The following ALDH6A1 variants were observed in gnomAD, a reference collection of about 807,000 sequenced individuals.
The protein encoded by ALDH6A1 is aldehyde dehydrogenase 6 family member A1.
Under a neutral mutation model 62.6 loss-of-function variants are expected in ALDH6A1, and 43 were observed. The ratio of observed to expected loss-of-function variants is 0.69; its 90% confidence interval spans 0.54 to 0.89. The LOEUF is 0.89. ALDH6A1 is among the 40% of genes least tolerant of loss of function. The probability of loss-of-function intolerance (pLI) is 0.00; values close to 1 mark genes in which losing one functional copy is unlikely to be tolerated. For synonymous variants in ALDH6A1, 194 were observed against 234.2 expected (o/e 0.83, Z 1.57); for missense variants, 551 against 661.3 (o/e 0.83, Z 1.83).
At position 74,084,411 on chromosome 14, in the gene ALDH6A1, A is replaced by T; in HGVS notation, c.-17T>A. On this transcript the variant is annotated 5_prime_UTR_variant, in exon 1 of 12. Transcript: ENST00000553458. ...CGCCGCCATGGCTCTCGGCCGCCCT[A>T]GCTCCGCACCCCGCGCCTCTACTGC... 6.2e-7 allele frequency: 1 copy of T among 1,612,490 alleles called. No individual in the cohort carries two copies. Among genetic ancestry groups the T allele is most frequent in the Non-Finnish European group, 8.5e-7 (1 of 1,179,738 alleles).
chr14:74,059,450 CT>C lies in ALDH6A1; in HGVS notation c.*1191del, dbSNP rs2060290477. ...GTGGCTCATGCCTGTAATCCCAGCA[CT>C]TTGGGAGGCCGAGGCAGGCGGATCA... On this transcript the variant is annotated 3_prime_UTR_variant, in exon 12 of 12. Coordinates refer to ENST00000553458, the MANE Select transcript of ALDH6A1 (RefSeq NM_005589.4). 1 of 449,998 alleles carries C rather than the reference CT, an allele frequency of 2.2e-6. No homozygotes were observed. The highest frequency in any genetic ancestry group is 4.5e-6 in the Non-Finnish European group (1 of 224,550). The allele number at this position is 449,998 out of a possible 1,614,324, so 27.9% of individuals were successfully genotyped here. A position where few individuals can be genotyped will look rare whatever the true frequency, so the allele number is the denominator to read the frequency against.
Position 74,060,280 on chromosome 14 carries a change from G to C in ALDH6A1, c.*362C>G, listed in dbSNP as rs2060311329. 1 of 246,026 alleles carries C rather than the reference G, an allele frequency of 4.1e-6. No individual in the cohort carries two copies. The highest frequency in any genetic ancestry group is 8.1e-6 in the Non-Finnish European group (1 of 123,416). The allele number at this position is 246,026 out of a possible 1,614,324, so 15.2% of individuals were successfully genotyped here. On this transcript the variant is annotated 3_prime_UTR_variant, in exon 12 of 12. Coordinates refer to ENST00000553458, the MANE Select transcript of ALDH6A1 (RefSeq NM_005589.4). The stretch of plus-strand genomic sequence containing the variant: ...CTCCCAAAATGATGGAATTACAGGC[G>C]TGAGCCACCGCGCCTGGCTGGAACA...
In ALDH6A1 at chr14:74,072,353, C is replaced by T. The variant is rs1400729598; in HGVS notation, c.198G>A (p.Glu66=). ...TGGCCTGAGGGACCCGACCAATGAC[C>T]TCATTGGTGGCCTGATGAGAAAAAT... is the stretch of plus-strand genomic sequence containing the variant. ...WIDIHNPATN[E]VIGRVPQATK... Residue 66 remains glutamate, a synonymous_variant, in exon 4 of 12, where the codon GAG becomes GAA. Coordinates refer to ENST00000553458, the MANE Select transcript of ALDH6A1 (RefSeq NM_005589.4). 2 of 1,614,162 alleles carry T rather than the reference C, an allele frequency of 1.2e-6. No individual in the cohort carries two copies. Among genetic ancestry groups the T allele is most frequent in the Non-Finnish European group, 1.7e-6 (2 of 1,180,028 alleles).
intron 2 of ALDH6A1, among the ~76,000 whole-genome samples, chr14:74,073,567 T>G (rs1002419864): frequency 6.6e-6 from 1 of 152,222 alleles, no homozygotes. Context: ...TTAGCTATTA[T>G]GACTTTTTGG....
At chr14:74,064,618 T>C in intron 11 of ALDH6A1, 1 of 1,485,006 alleles carries the variant, frequency 6.7e-7, no homozygotes, top group Non-Finnish European at 9.4e-7. Context: ...TCCTCAAAAC[T>C]TTGTTGCTTT....
rs905353010 is a variant in ALDH6A1, at chr14:74,057,539, C to T, written c.*3103G>A. 2.5e-5 allele frequency: 33 copies of T among 1,338,810 alleles called. No homozygotes were observed. The highest frequency in any genetic ancestry group is 2.2e-4 in the South Asian group (15 of 68,864). The allele number at this position is 1,338,810 out of a possible 1,614,324, so 82.9% of individuals were successfully genotyped here. Reference sequence around the variant, plus strand: ...TAGCCAAAATGTGTACTATCTTTTACGTAAGAGTAAACATAGTGACCTTGT... The same window carrying T: ...TAGCCAAAATGTGTACTATCTTTTATGTAAGAGTAAACATAGTGACCTTGT... On this transcript the variant is annotated 3_prime_UTR_variant, in exon 12 of 12. Transcript: ENST00000553458.
In ALDH6A1 at chr14:74,060,771, G is replaced by T. The variant is rs1474692155; in HGVS notation, c.1504-25C>A. ...CCTAAGGAAAACAGAAAAAAAGTTA[G>T]CATATATTTCTGGGGTTTCATGATT... On this transcript the variant is annotated intron_variant, in intron 11 of 11. Transcript: ENST00000553458. The T allele has an allele frequency of 2.0e-6, 3 of 1,514,762 alleles. No homozygotes were observed. The Admixed American group carries it at 5.0e-5, about 25-fold the overall frequency. The allele number at this position is 1,514,762 out of a possible 1,614,324, so 93.8% of individuals were successfully genotyped here. A position where few individuals can be genotyped will look rare whatever the true frequency, so the allele number is the denominator to read the frequency against.
Position 74,057,440 on chromosome 14 carries a change from TATACTA to T in ALDH6A1, c.*3196_*3201del, listed in dbSNP as rs1194531702. 22 of 1,486,864 alleles carry T rather than the reference TATACTA, an allele frequency of 1.5e-5. No individual in the cohort carries two copies. The highest frequency in any genetic ancestry group is 1.7e-5 in the Non-Finnish European group (19 of 1,122,246). The allele number at this position is 1,486,864 out of a possible 1,614,324, so 92.1% of individuals were successfully genotyped here. A position where few individuals can be genotyped will look rare whatever the true frequency, so the allele number is the denominator to read the frequency against. ...AAGCAATATCCGTACAAATGCATAT[TATACTA>T]ATGCAAATGCAAATGTGTGCCTCTT... On this transcript the variant is annotated 3_prime_UTR_variant, in exon 12 of 12. Coordinates refer to ENST00000553458, the MANE Select transcript of ALDH6A1 (RefSeq NM_005589.4).
rs373184856 is a variant in ALDH6A1, at chr14:74,067,557, G to A, written c.865C>T (p.His289Tyr). ...TTGGCATCTGGCATGACTACCCCAT[G>A]GTTCTTGGCTCCCTAAAAAAAAATG... ...RVQANMGAKN[H>Y]GVVMPDANKE... The change falls in exon 8 of 12, where the codon CAT (histidine) becomes TAT (tyrosine). Residue 289 changes from histidine (H) to tyrosine (Y), a missense_variant. By Grantham distance (83) the His-to-Tyr change is moderately conservative (BLOSUM62 2). Coordinates refer to ENST00000553458, the MANE Select transcript of ALDH6A1 (RefSeq NM_005589.4). The A allele has an allele frequency of 1.2e-6, 2 of 1,613,974 alleles. No homozygotes were observed. Among genetic ancestry groups the A allele is most frequent in the Non-Finnish European group, 1.7e-6 (2 of 1,180,022 alleles).
chr14:74,078,169 G>A (rs769458440), intron 1 of ALDH6A1: 4 of 454,926 alleles, frequency 8.8e-6, no homozygotes, highest in Non-Finnish European at 1.8e-5. Flanking sequence ...GTACTTTCAG[G>A]AGCTGACTTT....
intron 1 of ALDH6A1, chr14:74,078,170 A>C (rs78559242): frequency 2.2e-6 from 1 of 455,260 alleles, no homozygotes; most frequent in African/African-American, 2.0e-5. Context: ...TACTTTCAGG[A>C]GCTGACTTTG....
At chr14:74,069,061 T>C (rs577891702) in intron 6 of ALDH6A1, 80 bp from the exon 7 acceptor site, 4 of 1,378,306 alleles carry the variant, frequency 2.9e-6, no homozygotes, top group African/African-American at 1.4e-5. Flanking sequence ...TCCCCACTGC[T>C]ATGGATTTGA....
intron 11 of ALDH6A1, among the ~76,000 whole-genome samples, chr14:74,063,396 A>C (rs2060390487): frequency 6.6e-6 from 1 of 151,346 alleles, no homozygotes; most frequent in Non-Finnish European, 1.5e-5. Context: ...TGTTGGCCAG[A>C]TTGGTCTCAA....
intron 7 of ALDH6A1, 62 bp from the exon 8 acceptor site, chr14:74,067,631 T>G (rs753837621): frequency 1.3e-5 from 20 of 1,564,404 alleles, no homozygotes; most frequent in Non-Finnish European, 1.8e-5. Flanking sequence ...AGCTAAGAAA[T>G]TAAGCAGTGG....
Position 74,084,328 on chromosome 14 carries a change from T to C in ALDH6A1, c.48+19A>G. The C allele has an allele frequency of 6.2e-7, 1 of 1,613,726 alleles. No individual in the cohort carries two copies. Among genetic ancestry groups the C allele is most frequent in the Non-Finnish European group, 8.5e-7 (1 of 1,179,896 alleles). ...TCCAATTCCTAGCTTCATGGTGCCT[T>C]GGCACCACCCTCACTCGCCTGCAGG... is the stretch of plus-strand genomic sequence containing the variant. On this transcript the variant is annotated intron_variant, in intron 1 of 11. Coordinates refer to ENST00000553458, the MANE Select transcript of ALDH6A1 (RefSeq NM_005589.4).
rs559782681 is a variant in ALDH6A1, at chr14:74,074,131, C to T, written c.111+824G>A. ...TCCCAGGCAGCTGGGACCATAGGTA[C>T]GCACCACCACGCCTGGCTAATTTTT... is the stretch of plus-strand genomic sequence containing the variant. On this transcript the variant is annotated intron_variant, in intron 2 of 11. Coordinates refer to ENST00000553458, the MANE Select transcript of ALDH6A1 (RefSeq NM_005589.4). Among the ~76,000 whole-genome samples the T allele has an allele frequency of 1.3e-3, 202 of 151,424 alleles. 1 individual carries two copies. The highest frequency in any genetic ancestry group is 4.7e-3 in the African/African-American group (193 of 41,298).
intron 11 of ALDH6A1, 51 bp downstream of exon 11, chr14:74,064,771 T>G (rs2060431599): frequency 1.2e-6 from 2 of 1,611,810 alleles, no homozygotes; most frequent in African/African-American, 2.7e-5. Context: ...CCTGAATATC[T>G]TTAAGAAAAT....
In ALDH6A1 at chr14:74,057,285, ATGTATATTGT is replaced by A; in HGVS notation, c.*3347_*3356del. The stretch of plus-strand genomic sequence containing the variant: ...TAAGGAGTCTGTATCTAATCAAACA[ATGTATATTGT>A]TGTCACCCTTCCCCATGTCGCTTCT... On this transcript the variant is annotated 3_prime_UTR_variant, in exon 12 of 12. Transcript: ENST00000553458. 6.2e-7 allele frequency: 1 copy of A among 1,614,016 alleles called. No homozygotes were observed. Among genetic ancestry groups the A allele is most frequent in the Admixed American group, 1.7e-5 (1 of 59,986 alleles).
intron 1 of ALDH6A1, among the ~76,000 whole-genome samples, chr14:74,077,544 C>T (rs983258643): frequency 6.6e-6 from 1 of 152,054 alleles, no homozygotes; most frequent in African/African-American, 2.4e-5. Flanking sequence ...TGTGAAGAGG[C>T]AAAACTGGGG....
Sources: gnomAD v4.1 joint callset for allele counts (sites outside exome capture counted in the v4.1 genomes callset) on GRCh38, gnomAD v4.1.1 for gene constraint, MANE v1.5 for transcripts, NCBI Gene and HGNC (gene_info 2026-07-23, HGNC 2026-07-21) for gene names.